TMTC1: variants seen among roughly 807,000 people sequenced by gnomAD.
TMTC1 encodes protein O-mannosyl-transferase TMTC1.
Under a neutral mutation model 104.8 loss-of-function variants are expected in TMTC1, and 73 were observed. That is an observed-to-expected ratio of 0.70 (90% CI 0.58 to 0.85). TMTC1 has a LOEUF of 0.85. Among genes scored for constraint, TMTC1 ranks in the 40% least tolerant of loss-of-function variants. TMTC1 has a pLI of 0.00. For missense variants in TMTC1, 1,035 were observed against 1,096.1 expected, an observed-to-expected ratio of 0.94 and a Z score of 0.79; for synonymous variants, 434 against 428.7, an observed-to-expected ratio of 1.01 and a Z score of -0.15.
At chr12:29,566,335 CA>C (rs1359773825) in intron 9 of TMTC1, among the ~76,000 whole-genome samples, 7 of 152,210 alleles carry the variant, frequency 4.6e-5, no homozygotes, top group Non-Finnish European at 7.4e-5. Context: ...GGAGGTGTGT[CA>C]GGGGGAGTAA....
chr12:29,590,534 C>T (rs1246804050), intron 7 of TMTC1, among the ~76,000 whole-genome samples: 1 of 152,190 alleles, frequency 6.6e-6, no homozygotes, highest in Non-Finnish European at 1.5e-5. Context: ...TGCCTGTAAT[C>T]CCAGCACTTT....
chr12:29,712,936 G>C (rs769912188), intron 5 of TMTC1, among the ~76,000 whole-genome samples: 1 of 152,112 alleles, frequency 6.6e-6, no homozygotes, highest in Non-Finnish European at 1.5e-5. Context: ...ACGGTGTTCA[G>C]TTGTTTGTTC....
chr12:29,580,808 C>T (rs1022963331), intron 8 of TMTC1, among the ~76,000 whole-genome samples: 5 of 152,264 alleles, frequency 3.3e-5, no homozygotes, highest in African/African-American at 9.6e-5. Flanking sequence ...CCTACCTGTA[C>T]TTATATAGTG....
intron 5 of TMTC1, among the ~76,000 whole-genome samples, chr12:29,696,975 T>C (rs1377084659): frequency 1.3e-5 from 2 of 152,170 alleles, no homozygotes; most frequent in African/African-American, 2.4e-5. Context: ...TCTATAAAAG[T>C]ATACTTTAAG....
intron 11 of TMTC1, among the ~76,000 whole-genome samples, chr12:29,528,026 G>A (rs1205873594): frequency 1.3e-5 from 2 of 152,090 alleles, no homozygotes; most frequent in Non-Finnish European, 2.9e-5. Context: ...TCAATTTCAT[G>A]GAATGATCAA....
chr12:29,574,722 C>T lies in TMTC1; in HGVS notation c.1419-2504G>A, dbSNP rs193084853. ...TCTTCCTTGTTTTATACGGGCACCA[C>T]CCCTACTGGATTAGGGCCTCACCCT... On this transcript the variant is annotated intron_variant, in intron 8 of 17. Transcript: ENST00000539277. 7.2e-5 allele frequency among the ~76,000 whole-genome samples: 11 copies of T among 152,340 alleles called. No individual in the cohort carries two copies. In the East Asian group the frequency reaches 1.9e-3, roughly 27 times the overall value.
intron 6 of TMTC1, among the ~76,000 whole-genome samples, chr12:29,627,927 A>G (rs1388843326): frequency 6.6e-6 from 1 of 152,202 alleles, no homozygotes; most frequent in African/African-American, 2.4e-5. Context: ...TGCCCTCCCC[A>G]TACCAAAAAG....
intron 12 of TMTC1, among the ~76,000 whole-genome samples, chr12:29,518,863 T>C (rs1302154928): frequency 6.6e-6 from 1 of 152,224 alleles, no homozygotes; most frequent in East Asian, 1.9e-4. Context: ...GTTTTAATTA[T>C]ATATATTATT....
At chr12:29,745,618 CA>C (rs71444341) in intron 5 of TMTC1, among the ~76,000 whole-genome samples, 92 of 84,562 alleles carry the variant, frequency 1.1e-3, no homozygotes, top group South Asian at 2.0e-3. Context: ...GAGACTCAAT[CA>C]AAAAAAAAAA....
intron 5 of TMTC1, among the ~76,000 whole-genome samples, chr12:29,746,265 G>A (rs193052280): frequency 5.8e-4 from 88 of 152,248 alleles, no homozygotes; most frequent in African/African-American, 2.1e-3. Context: ...ATTTTTGAAA[G>A]CAGCAGCTGA....
chr12:29,675,811 A>G (rs1453408655), intron 5 of TMTC1, among the ~76,000 whole-genome samples: 2 of 152,202 alleles, frequency 1.3e-5, no homozygotes, highest in Non-Finnish European at 2.9e-5. Context: ...ATGAGCCAAT[A>G]TAAGGTATTC....
chr12:29,570,888 C>CA (rs1279388394), intron 9 of TMTC1, among the ~76,000 whole-genome samples: 1 of 137,348 alleles, frequency 7.3e-6, no homozygotes, highest in African/African-American at 2.7e-5. Flanking sequence ...AACACCCCCC[C>CA]CCCCCGCCAA....
Position 29,606,816 on chromosome 12 carries a change from C to T in TMTC1, c.1129-2517G>A, listed in dbSNP as rs960725859. ...TTCTCTCTATATCCCCAGCATCACA[C>T]GTTCTTACCCTTCCAACGCACCTTC... On this transcript the variant is annotated intron_variant, in intron 6 of 17. Transcript: ENST00000539277. 3.3e-5 allele frequency among the ~76,000 whole-genome samples: 5 copies of T among 152,132 alleles called. No individual in the cohort carries two copies. In the East Asian group the frequency reaches 5.8e-4, roughly 18 times the overall value.
At chr12:29,762,596 G>A (rs1438751845) in intron 2 of TMTC1, among the ~76,000 whole-genome samples, 1 of 152,214 alleles carries the variant, frequency 6.6e-6, no homozygotes, top group Non-Finnish European at 1.5e-5. Flanking sequence ...GTCACATATT[G>A]AGAAAAATTC....
intron 11 of TMTC1, among the ~76,000 whole-genome samples, chr12:29,525,167 T>TG (rs1944302728): frequency 2.8e-5 from 1 of 36,332 alleles, no homozygotes; most frequent in Admixed American, 2.4e-4. Context: ...TCTTTTTTTT[T>TG]TTTTTTTTTT....
intron 7 of TMTC1, among the ~76,000 whole-genome samples, chr12:29,590,587 C>A (rs1020304411): frequency 1.3e-5 from 2 of 152,128 alleles, no homozygotes; most frequent in East Asian, 1.9e-4. Context: ...GAGTTTGAGA[C>A]CAGCCTGATC....
chr12:29,521,335 C>T (rs1194058359), intron 11 of TMTC1, among the ~76,000 whole-genome samples: 3 of 152,090 alleles, frequency 2.0e-5, no homozygotes, highest in East Asian at 3.9e-4. Flanking sequence ...TGGCTACTTC[C>T]CATACTCAGT....
At chr12:29,760,796 T>A (rs750217399) in intron 2 of TMTC1, among the ~76,000 whole-genome samples, 21 of 150,612 alleles carry the variant, frequency 1.4e-4, no homozygotes, top group Admixed American at 1.3e-4. Context: ...ATTAATTTAT[T>A]CTAATGTATA....
At chr12:29,710,114 GA>G (rs904843616) in intron 5 of TMTC1, among the ~76,000 whole-genome samples, 2 of 152,114 alleles carry the variant, frequency 1.3e-5, no homozygotes, top group African/African-American at 4.8e-5. Context: ...TCAGTACGTA[GA>G]GTCTATTTCT....
Sources: gnomAD v4.1 joint callset for allele counts (sites outside exome capture counted in the v4.1 genomes callset) on GRCh38, gnomAD v4.1.1 for gene constraint, MANE v1.5 for transcripts, NCBI Gene and HGNC (gene_info 2026-07-23, HGNC 2026-07-21) for gene names.